The following PTPRD variants were observed in gnomAD, a reference collection of about 807,000 sequenced individuals.
PTPRD encodes protein tyrosine phosphatase receptor type D.
PTPRD carries 34 observed loss-of-function variants against 214.5 expected under a neutral mutation model. That is an observed-to-expected ratio of 0.16 (90% CI 0.12 to 0.21). PTPRD has a LOEUF of 0.21. PTPRD is among the 10% of genes least tolerant of loss of function. PTPRD has a pLI of 1.00. For synonymous variants in PTPRD, 1,128 were observed against 845.7 expected, an observed-to-expected ratio of 1.33 and a Z score of -5.79; for missense variants, 2,545 against 2,398.7, an observed-to-expected ratio of 1.06 and a Z score of -1.27.
intron 10 of PTPRD, among the ~76,000 whole-genome samples, chr9:9,109,137 C>G (rs147559765): frequency 6.6e-6 from 1 of 152,264 alleles, no homozygotes; most frequent in African/African-American, 2.4e-5. Flanking sequence ...AACAGTACCT[C>G]CATATTTATA....
At chr9:9,640,381 G>C (rs139883745) in intron 7 of PTPRD, among the ~76,000 whole-genome samples, 86 of 152,314 alleles carry the variant, frequency 5.6e-4, no homozygotes, top group African/African-American at 1.9e-3. Context: ...CTGTGTGAAA[G>C]CAATGAAGCA....
chr9:9,900,200 C>A (rs769168407), intron 5 of PTPRD, among the ~76,000 whole-genome samples: 15 of 152,150 alleles, frequency 9.9e-5, no homozygotes, highest in Non-Finnish European at 1.9e-4. Flanking sequence ...AATTTTTATG[C>A]TCTGCTTCCA....
chr9:10,140,867 C>T (rs1286999931), intron 3 of PTPRD, among the ~76,000 whole-genome samples: 5 of 151,508 alleles, frequency 3.3e-5, no homozygotes, highest in African/African-American at 4.9e-5. Context: ...ACTGGCAAAC[C>T]GAATCCAGCA....
chr9:10,445,222 C>G (rs769230487), intron 2 of PTPRD, among the ~76,000 whole-genome samples: 1 of 152,028 alleles, frequency 6.6e-6, no homozygotes, highest in African/African-American at 2.4e-5. Flanking sequence ...GCTAAGCCCA[C>G]AAAGATCAAA....
intron 5 of PTPRD, among the ~76,000 whole-genome samples, chr9:9,801,082 C>G (rs1232635650): frequency 6.6e-6 from 1 of 152,038 alleles, no homozygotes; most frequent in Non-Finnish European, 1.5e-5. Context: ...AAAAAAGAAT[C>G]AGACACTTAT....
At chr9:8,905,097 A>G (rs1419391114) in intron 11 of PTPRD, among the ~76,000 whole-genome samples, 1 of 152,208 alleles carries the variant, frequency 6.6e-6, no homozygotes, top group Non-Finnish European at 1.5e-5. Flanking sequence ...GTCTACCTTT[A>G]AGGTCATTCT....
At chr9:8,615,718 G>GA (rs970175610) in intron 14 of PTPRD, among the ~76,000 whole-genome samples, 1 of 151,534 alleles carries the variant, frequency 6.6e-6, no homozygotes, top group Non-Finnish European at 1.5e-5. Flanking sequence ...TTAAAATTAG[G>GA]AAAAAAATTG....
At chr9:10,568,820 C>A (rs570318052) in intron 2 of PTPRD, among the ~76,000 whole-genome samples, 47 of 152,118 alleles carry the variant, frequency 3.1e-4, no homozygotes, top group African/African-American at 1.1e-3. Flanking sequence ...ATAAAATCCC[C>A]AGAAGAAAAC....
Position 9,280,041 on chromosome 9 carries a change from C to T in PTPRD, c.-202-96678G>A, listed in dbSNP as rs1327867884. ...CAATGTACCGCAATTACAAACAATGCTTTAGCATAGCAAAAACTGTTTTAC... is the reference window on the plus strand; with the variant it reads ...CAATGTACCGCAATTACAAACAATGTTTTAGCATAGCAAAAACTGTTTTAC... On this transcript the variant is annotated intron_variant, in intron 9 of 45. Transcript: ENST00000381196. 4.6e-5 allele frequency among the ~76,000 whole-genome samples: 7 copies of T among 151,306 alleles called. No individual in the cohort carries two copies. In the East Asian group the frequency reaches 1.2e-3, roughly 25 times the overall value.
chr9:9,896,151 C>G (rs551432053), intron 5 of PTPRD, among the ~76,000 whole-genome samples: 1 of 152,152 alleles, frequency 6.6e-6, no homozygotes, highest in South Asian at 2.1e-4. Flanking sequence ...TCTAAACACA[C>G]ACAACCATAC....
intron 5 of PTPRD, among the ~76,000 whole-genome samples, chr9:9,786,042 A>G (rs1457844934): frequency 6.6e-6 from 1 of 152,198 alleles, no homozygotes; most frequent in East Asian, 1.9e-4. Context: ...TGATGAGAAT[A>G]TATTACTTCT....
chr9:9,709,816 A>C (rs1024597093), intron 7 of PTPRD, among the ~76,000 whole-genome samples: 3 of 152,140 alleles, frequency 2.0e-5, no homozygotes, highest in Non-Finnish European at 4.4e-5. Flanking sequence ...TTGTAAATTT[A>C]GAGATATTCC....
intron 5 of PTPRD, among the ~76,000 whole-genome samples, chr9:9,873,408 C>CAAAA (rs111229928): frequency 6.7e-5 from 10 of 148,992 alleles, no homozygotes; most frequent in African/African-American, 2.4e-4. Context: ...CATCCATTTA[C>CAAAA]AAAAAAAAAT....
intron 5 of PTPRD, among the ~76,000 whole-genome samples, chr9:9,898,129 C>G (rs1250541891): frequency 1.3e-5 from 2 of 151,982 alleles, no homozygotes; most frequent in Non-Finnish European, 2.9e-5. Flanking sequence ...TTAATTTATT[C>G]ATAATGTATG....
rs956401691 is a variant in PTPRD, at chr9:9,138,963, G to C, written c.-143+44341C>G. ...TAGCATAATAACAATAATAGTTACA[G>C]TAATCTTCATTAAGGTATTATATTT... On this transcript the variant is annotated intron_variant, in intron 10 of 45. Coordinates refer to ENST00000381196, the MANE Select transcript of PTPRD (RefSeq NM_002839.4). Among the ~76,000 whole-genome samples the C allele has an allele frequency of 2.0e-5, 3 of 152,006 alleles. No homozygotes were observed. The East Asian group carries it at 5.8e-4, about 29-fold the overall frequency.
intron 9 of PTPRD, among the ~76,000 whole-genome samples, chr9:9,264,987 A>G (rs957521590): frequency 6.6e-6 from 1 of 151,686 alleles, no homozygotes; most frequent in African/African-American, 2.4e-5. Context: ...ACAGACAAAT[A>G]AAAGCTAAGG....
chr9:8,728,971 C>G (rs1210922636), intron 12 of PTPRD, among the ~76,000 whole-genome samples: 1 of 152,132 alleles, frequency 6.6e-6, no homozygotes, highest in East Asian at 1.9e-4. Flanking sequence ...CAGAGTGAGA[C>G]TGTCTCAAAA....
At chr9:10,484,057 C>T (rs974660396) in intron 2 of PTPRD, among the ~76,000 whole-genome samples, 10 of 151,978 alleles carry the variant, frequency 6.6e-5, no homozygotes, top group East Asian at 1.9e-4. Context: ...ATAGAAAATG[C>T]GGTATGTGTG....
At chr9:9,530,973 T>C (rs2075336977) in intron 8 of PTPRD, among the ~76,000 whole-genome samples, 1 of 152,156 alleles carries the variant, frequency 6.6e-6, no homozygotes, top group Non-Finnish European at 1.5e-5. Context: ...TAATGTCTGA[T>C]AGTAGAGTAA....
Sources: gnomAD v4.1 joint callset for allele counts (sites outside exome capture counted in the v4.1 genomes callset) on GRCh38, gnomAD v4.1.1 for gene constraint, MANE v1.5 for transcripts, NCBI Gene and HGNC (gene_info 2026-07-23, HGNC 2026-07-21) for gene names.